Variants in ANO3 observed in about 807,000 individuals in gnomAD.
ANO3 encodes the protein anoctamin-3.
In ANO3, 99 loss-of-function variants were observed where a neutral mutation model predicts 144.8. That is an observed-to-expected ratio of 0.68 (90% CI 0.58 to 0.81). The LOEUF is 0.81. Among genes scored for constraint, ANO3 ranks in the 30% least tolerant of loss-of-function variants. The pLI is 0.00. For synonymous variants in ANO3, 414 were observed against 392.6 expected, an observed-to-expected ratio of 1.05 and a Z score of -0.64; for missense variants, 905 against 1,202.2, an observed-to-expected ratio of 0.75 and a Z score of 3.66.
At chr11:26,453,951 C>G (rs2134042712) in intron 3 of ANO3, among the ~76,000 whole-genome samples, 1 of 152,298 alleles carries the variant, frequency 6.6e-6, no homozygotes, top group East Asian at 1.9e-4. Context: ...TACATGGAAA[C>G]TGAGCAACCT....
chr11:26,536,191 T>C (rs1849505270), intron 9 of ANO3, among the ~76,000 whole-genome samples: 1 of 151,248 alleles, frequency 6.6e-6, no homozygotes, highest in Admixed American at 6.6e-5. Context: ...CAATGGTGGG[T>C]GACTGTAATT....
intron 12 of ANO3, among the ~76,000 whole-genome samples, chr11:26,550,902 A>T (rs1849915394): frequency 6.6e-6 from 1 of 151,964 alleles, no homozygotes. Context: ...GTACAGGATT[A>T]CAATTTCCCC....
chr11:26,198,975 G>T (rs1417035691), intron 1 of ANO3, among the ~76,000 whole-genome samples: 1 of 152,172 alleles, frequency 6.6e-6, no homozygotes. Flanking sequence ...TCATACAAAA[G>T]ATGCATGTTC....
At chr11:26,486,815 T>C (rs947940757) in intron 4 of ANO3, among the ~76,000 whole-genome samples, 12 of 152,206 alleles carry the variant, frequency 7.9e-5, no homozygotes, top group African/African-American at 2.7e-4. Context: ...AACATTTGAA[T>C]CTATCATCTT....
At chr11:26,299,068 A>G (rs1314458220) in intron 1 of ANO3, among the ~76,000 whole-genome samples, 1 of 152,224 alleles carries the variant, frequency 6.6e-6, no homozygotes, top group Non-Finnish European at 1.5e-5. Context: ...GTATAAAACC[A>G]TGAGACAGGA....
At chr11:26,636,278 A>G (rs1463726668) in intron 20 of ANO3, among the ~76,000 whole-genome samples, 1 of 152,212 alleles carries the variant, frequency 6.6e-6, no homozygotes, top group Non-Finnish European at 1.5e-5. Flanking sequence ...TGTATGTAAA[A>G]TAATAGTTAC....
intron 3 of ANO3, among the ~76,000 whole-genome samples, chr11:26,450,426 C>G (rs962717017): frequency 1.3e-5 from 2 of 152,160 alleles, no homozygotes; most frequent in African/African-American, 4.8e-5. Flanking sequence ...GAGAAGCAGG[C>G]TAACAAAGGA....
At chr11:26,343,421 T>G (rs139474191) in intron 1 of ANO3, among the ~76,000 whole-genome samples, 1 of 152,222 alleles carries the variant, frequency 6.6e-6, no homozygotes, top group African/African-American at 2.4e-5. Flanking sequence ...GAAATGGGAA[T>G]GCTGGATCAC....
chr11:26,222,524 T>A (rs146933902), intron 1 of ANO3, among the ~76,000 whole-genome samples: 9 of 152,246 alleles, frequency 5.9e-5, no homozygotes, highest in Non-Finnish European at 1.0e-4. Flanking sequence ...TGTGTGGAGG[T>A]CCCAACCCCA....
intron 3 of ANO3, among the ~76,000 whole-genome samples, chr11:26,461,106 G>A (rs1382454235): frequency 7.3e-6 from 1 of 137,174 alleles, no homozygotes; most frequent in Non-Finnish European, 1.6e-5. Context: ...CAGAGAGAGA[G>A]CGAGAGCAAG....
chr11:26,242,787 A>G (rs1483900331), intron 1 of ANO3, among the ~76,000 whole-genome samples: 1 of 152,206 alleles, frequency 6.6e-6, no homozygotes, highest in Admixed American at 6.5e-5. Context: ...TCAATATTGT[A>G]AAGATTAAGT....
At chr11:26,510,240 T>C (rs1861612525) in intron 5 of ANO3, among the ~76,000 whole-genome samples, 1 of 152,124 alleles carries the variant, frequency 6.6e-6, no homozygotes, top group Non-Finnish European at 1.5e-5. Flanking sequence ...CTTGACTCTT[T>C]ACAAGGAATT....
intron 1 of ANO3, among the ~76,000 whole-genome samples, chr11:26,298,346 G>C (rs183338221): frequency 2.2e-4 from 34 of 152,192 alleles, no homozygotes; most frequent in Admixed American, 2.0e-3. Flanking sequence ...AAAAGAAATT[G>C]CTGAACCAAT....
At chr11:26,429,462 C>CAA (rs10668197) in intron 1 of ANO3, among the ~76,000 whole-genome samples, 19,843 of 142,418 alleles carry the variant, frequency 0.14, 1,663 homozygotes, top group African/African-American at 0.24. Context: ...TCCAAAAGTT[C>CAA]AAAAAAAAAA....
intron 20 of ANO3, among the ~76,000 whole-genome samples, chr11:26,638,700 G>T (rs1853047190): frequency 6.6e-6 from 1 of 152,152 alleles, no homozygotes; most frequent in East Asian, 1.9e-4. Context: ...AGGAGTGTAT[G>T]GGAACTCTGT....
At chr11:26,352,899 A>AT (rs1345462945) in intron 1 of ANO3, among the ~76,000 whole-genome samples, 1 of 152,222 alleles carries the variant, frequency 6.6e-6, no homozygotes, top group Admixed American at 6.5e-5. Context: ...TAAGCTTACC[A>AT]TATCAGTGGG....
At chr11:26,313,732 A>G (rs1854557327) in intron 1 of ANO3, among the ~76,000 whole-genome samples, 1 of 151,936 alleles carries the variant, frequency 6.6e-6, no homozygotes, top group Non-Finnish European at 1.5e-5. Context: ...GTGATAATAC[A>G]TAGTTCACAA....
At chr11:26,344,429 GAT>G (rs1264163090) in intron 1 of ANO3, among the ~76,000 whole-genome samples, 7 of 146,814 alleles carry the variant, frequency 4.8e-5, no homozygotes, top group African/African-American at 1.8e-4. Flanking sequence ...GCAGTGGCAC[GAT>G]CTCGGCTCAC....
intron 14 of ANO3, among the ~76,000 whole-genome samples, chr11:26,586,354 C>CTTT (rs143903766): frequency 3.2e-5 from 4 of 125,676 alleles, no homozygotes; most frequent in African/African-American, 1.2e-4. Context: ...CTCCTGTATT[C>CTTT]TTTTTTTTTT....
Sources: allele counts gnomAD v4.1 joint callset (sites outside exome capture counted in the v4.1 genomes callset), GRCh38; gene constraint gnomAD v4.1.1; transcripts MANE v1.5; gene names NCBI Gene and HGNC (gene_info 2026-07-23, HGNC 2026-07-21).